LSAMP: variants seen among roughly 807,000 people sequenced by gnomAD.
The protein encoded by LSAMP is limbic system associated membrane protein.
Under a neutral mutation model 38.6 loss-of-function variants are expected in LSAMP, and 7 were observed. The ratio of observed to expected loss-of-function variants is 0.18; its 90% CI spans 0.10 to 0.34. The LOEUF is 0.34. Among genes scored for constraint, LSAMP ranks in the 10% least tolerant of loss-of-function variants. LSAMP has a pLI of 1.00. For synonymous variants in LSAMP, 154 were observed against 166.8 expected (o/e 0.92, Z 0.59); for missense variants, 313 against 420.0 (o/e 0.75, Z 2.23).
intron 6 of LSAMP, among the ~76,000 whole-genome samples, chr3:115,824,936 C>G (rs1934360865): frequency 6.6e-6 from 1 of 152,104 alleles, no homozygotes; most frequent in Non-Finnish European, 1.5e-5. Context: ...TCTTTCTGGT[C>G]TTACCCCTCA....
At chr3:115,835,741 C>G (rs1404224186) in intron 6 of LSAMP, among the ~76,000 whole-genome samples, 1 of 152,210 alleles carries the variant, frequency 6.6e-6, no homozygotes, top group Admixed American at 6.5e-5. Context: ...TGAGAAAACT[C>G]AGTCTCCTTG....
intron 6 of LSAMP, among the ~76,000 whole-genome samples, chr3:115,826,398 G>A (rs533332035): frequency 2.6e-5 from 4 of 152,000 alleles, no homozygotes; most frequent in Non-Finnish European, 4.4e-5. Flanking sequence ...GAGCCACCAC[G>A]CCTGGCCTGT....
intron 2 of LSAMP, among the ~76,000 whole-genome samples, chr3:116,039,628 T>C (rs1164641453): frequency 6.6e-6 from 1 of 152,144 alleles, no homozygotes; most frequent in African/African-American, 2.4e-5. Context: ...TATTATTGTT[T>C]CAATTTATTT....
rs113659498 is a variant in LSAMP, at chr3:116,254,402, AT to A, written c.156-167847del. ...TGAAGAGATTATTAAAGAGAAAAAA[AT>A]TAAAGAAAGAGGAGGGGGTGATAGA... On this transcript the variant is annotated intron_variant, in intron 1 of 6. Coordinates refer to ENST00000490035, the MANE Select transcript of LSAMP (RefSeq NM_002338.5). 2.7e-5 allele frequency among the ~76,000 whole-genome samples: 4 copies of A among 150,346 alleles called. No individual in the cohort carries two copies. The South Asian group carries it at 6.3e-4, about 24-fold the overall frequency.
chr3:116,152,698 TTGAAA>T (rs1397853808), intron 1 of LSAMP, among the ~76,000 whole-genome samples: 5 of 152,040 alleles, frequency 3.3e-5, no homozygotes, highest in African/African-American at 1.2e-4. Flanking sequence ...ATGGCAGTAA[TTGAAA>T]TGAAAGAAGA....
chr3:115,832,883 G>A (rs887845991), intron 6 of LSAMP, among the ~76,000 whole-genome samples: 3 of 152,086 alleles, frequency 2.0e-5, no homozygotes, highest in Non-Finnish European at 2.9e-5. Flanking sequence ...AAAATCCCTC[G>A]TGTTCCATCC....
intron 1 of LSAMP, among the ~76,000 whole-genome samples, chr3:116,214,000 G>A (rs79398494): frequency 0.013 from 2,016 of 152,238 alleles, 49 homozygotes; most frequent in African/African-American, 0.047. Context: ...TGTACCTATA[G>A]TGAAGGATAA....
At chr3:115,976,276 T>A (rs543545655) in intron 3 of LSAMP, among the ~76,000 whole-genome samples, 2 of 152,212 alleles carry the variant, frequency 1.3e-5, no homozygotes, top group South Asian at 4.1e-4. Flanking sequence ...TTCCAGAAAA[T>A]AAACAATCCT....
At chr3:115,994,373 AAC>A (rs1291289592) in intron 3 of LSAMP, among the ~76,000 whole-genome samples, 7 of 152,214 alleles carry the variant, frequency 4.6e-5, no homozygotes, top group East Asian at 1.9e-4. Context: ...TTTTAATAAA[AAC>A]AGTTACTACT....
At chr3:116,117,659 T>A (rs1708782321) in intron 1 of LSAMP, among the ~76,000 whole-genome samples, 1 of 152,216 alleles carries the variant, frequency 6.6e-6, no homozygotes, top group Admixed American at 6.5e-5. Context: ...ATAACTTTGA[T>A]AGTTTTGAGG....
intron 2 of LSAMP, among the ~76,000 whole-genome samples, chr3:116,072,616 T>C (rs534873373): frequency 6.6e-6 from 1 of 152,296 alleles, no homozygotes; most frequent in Non-Finnish European, 1.5e-5. Context: ...CGGTATTTCA[T>C]TGTGGTTTTG....
intron 1 of LSAMP, among the ~76,000 whole-genome samples, chr3:116,160,137 C>T (rs558195976): frequency 6.6e-6 from 1 of 152,146 alleles, no homozygotes; most frequent in Non-Finnish European, 1.5e-5. Flanking sequence ...CGGTGGCTCA[C>T]ACCTGTAATC....
chr3:115,868,970 GA>G (rs11292116), intron 3 of LSAMP, among the ~76,000 whole-genome samples: 28,773 of 151,344 alleles, frequency 0.19, 3,520 homozygotes, highest in African/African-American at 0.33. Flanking sequence ...TATAAATCAG[GA>G]AAAAAAACCC....
chr3:116,293,060 C>T (rs985100410), intron 1 of LSAMP, among the ~76,000 whole-genome samples: 13 of 152,188 alleles, frequency 8.5e-5, no homozygotes, highest in Non-Finnish European at 1.8e-4. Flanking sequence ...TTAACACCTT[C>T]ACCCTATCAT....
chr3:116,351,145 G>A (rs369184030), intron 1 of LSAMP, among the ~76,000 whole-genome samples: 6 of 151,978 alleles, frequency 3.9e-5, no homozygotes, highest in South Asian at 2.1e-4. Context: ...TTTGCATAAC[G>A]GAGGAAGGAT....
chr3:116,252,376 A>C (rs1311729045), intron 1 of LSAMP, among the ~76,000 whole-genome samples: 4 of 152,210 alleles, frequency 2.6e-5, no homozygotes, highest in Admixed American at 1.3e-4. Flanking sequence ...AGACAAAGTG[A>C]GACTTTTCAA....
At chr3:115,925,264 A>T (rs1937473396) in intron 3 of LSAMP, among the ~76,000 whole-genome samples, 2 of 152,184 alleles carry the variant, frequency 1.3e-5, no homozygotes, top group African/African-American at 2.4e-5. Flanking sequence ...TCAAATGTAA[A>T]AAGAGGAGAG....
chr3:116,055,359 T>C (rs1183124720), intron 2 of LSAMP, among the ~76,000 whole-genome samples: 1 of 152,166 alleles, frequency 6.6e-6, no homozygotes, highest in Non-Finnish European at 1.5e-5. Context: ...ACAAGCACAG[T>C]GAGTTGTGGT....
At chr3:115,851,480 T>C (rs757637896) in intron 4 of LSAMP, among the ~76,000 whole-genome samples, 17 of 152,294 alleles carry the variant, frequency 1.1e-4, no homozygotes, top group Non-Finnish European at 2.5e-4. Flanking sequence ...CTCAATTATA[T>C]CTACCTTGCT....
Sources: allele counts gnomAD v4.1 joint callset (sites outside exome capture counted in the v4.1 genomes callset), GRCh38; gene constraint gnomAD v4.1.1; transcripts MANE v1.5; gene names NCBI Gene and HGNC (gene_info 2026-07-23, HGNC 2026-07-21).